SGCD: variants seen among roughly 807,000 people sequenced by gnomAD.
The protein encoded by SGCD is sarcoglycan delta, also known as delta-sarcoglycan.
Under a neutral mutation model 36.6 loss-of-function variants are expected in SGCD, and 18 were observed. The ratio of observed to expected loss-of-function variants is 0.49; its 90% confidence interval spans 0.34 to 0.73. The LOEUF (loss-of-function observed/expected upper bound fraction) is 0.73, where lower values mean the gene tolerates loss of function less well. Among genes scored for constraint, SGCD ranks in the 30% least tolerant of loss-of-function variants. The pLI is 0.01. For synonymous variants in SGCD, 133 were observed against 130.6 expected (o/e 1.02, Z -0.12); for missense variants, 387 against 346.7 (o/e 1.12, Z -0.92).
chr5:156,244,919 A>G (rs1355967738), intron 3 of SGCD, among the ~76,000 whole-genome samples: 1 of 152,194 alleles, frequency 6.6e-6, no homozygotes, highest in Non-Finnish European at 1.5e-5. Context: ...CTACTAACAG[A>G]TTACTTAGAA....
intron 1 of SGCD, among the ~76,000 whole-genome samples, chr5:155,985,289 T>C (rs1758308236): frequency 6.6e-6 from 1 of 152,142 alleles, no homozygotes; most frequent in Admixed American, 6.6e-5. Context: ...TTCAGGTTGT[T>C]GGTAGGCCTC....
At chr5:156,401,626 A>T (rs1430540493) in intron 3 of SGCD, among the ~76,000 whole-genome samples, 1 of 152,116 alleles carries the variant, frequency 6.6e-6, no homozygotes, top group African/African-American at 2.4e-5. Flanking sequence ...TTTATTGAGA[A>T]CTCACTATGT....
intron 1 of SGCD, among the ~76,000 whole-genome samples, chr5:156,078,663 TAC>T (rs910236883): frequency 1.3e-5 from 2 of 148,448 alleles, no homozygotes; most frequent in Non-Finnish European, 3.0e-5. Flanking sequence ...CACATATATA[TAC>T]ACACACATAT....
chr5:156,129,522 G>A (rs886421955), intron 3 of SGCD, among the ~76,000 whole-genome samples: 6 of 152,148 alleles, frequency 3.9e-5, no homozygotes, highest in African/African-American at 9.7e-5. Flanking sequence ...GGGTACATGC[G>A]AAGCTTTGTT....
intron 7 of SGCD, among the ~76,000 whole-genome samples, chr5:156,689,044 C>T (rs1179111629): frequency 6.6e-6 from 1 of 152,134 alleles, no homozygotes; most frequent in Non-Finnish European, 1.5e-5. Flanking sequence ...AGATTGGATC[C>T]TGCATTTTAA....
At chr5:156,515,587 G>T (rs1384533335) in intron 4 of SGCD, among the ~76,000 whole-genome samples, 1 of 152,288 alleles carries the variant, frequency 6.6e-6, no homozygotes, top group Non-Finnish European at 1.5e-5. Context: ...AAGGAGCAGA[G>T]AGCGATTGTG....
At chr5:156,246,644 T>C (rs1765447400) in intron 3 of SGCD, among the ~76,000 whole-genome samples, 1 of 152,230 alleles carries the variant, frequency 6.6e-6, no homozygotes. Flanking sequence ...TTTAAAACCA[T>C]GTGCAGAATA....
chr5:156,072,803 C>G (rs1007425900), intron 1 of SGCD, among the ~76,000 whole-genome samples: 1 of 152,130 alleles, frequency 6.6e-6, no homozygotes, highest in South Asian at 2.1e-4. Flanking sequence ...CACATAGTCC[C>G]ATATTTCTTG....
chr5:156,261,403 T>C (rs1000950965), intron 3 of SGCD, among the ~76,000 whole-genome samples: 3 of 152,202 alleles, frequency 2.0e-5, no homozygotes, highest in Non-Finnish European at 4.4e-5. Flanking sequence ...ATATACCACA[T>C]ATACTATGGT....
At chr5:156,175,253 A>G (rs73811529) in intron 3 of SGCD, among the ~76,000 whole-genome samples, 6,136 of 152,232 alleles carry the variant, frequency 0.04, 275 homozygotes, top group African/African-American at 0.11. Context: ...GAATTTTCCT[A>G]ATACATAAGT....
chr5:156,409,538 T>A (rs1772629124), intron 3 of SGCD, among the ~76,000 whole-genome samples: 1 of 152,208 alleles, frequency 6.6e-6, no homozygotes, highest in Admixed American at 6.5e-5. Context: ...ACCCCTTTCC[T>A]TTCCTTGTGT....
chr5:156,288,747 G>C (rs1405238663), intron 3 of SGCD, among the ~76,000 whole-genome samples: 1 of 151,984 alleles, frequency 6.6e-6, no homozygotes, highest in African/African-American at 2.4e-5. Context: ...CAGATATCCA[G>C]CATTTGTTCC....
intron 3 of SGCD, among the ~76,000 whole-genome samples, chr5:156,134,051 A>G (rs946859940): frequency 1.3e-5 from 2 of 152,182 alleles, no homozygotes; most frequent in African/African-American, 4.8e-5. Context: ...CTAAGCAAAT[A>G]TAACATAGGT....
At chr5:155,769,935 C>G in the SGCD span, among the ~76,000 whole-genome samples, 5 of 152,088 alleles carry the variant, frequency 3.3e-5, no homozygotes, top group Non-Finnish European at 7.4e-5. Context: ...ACTCCTTAGG[C>G]CATGCTTTGT....
At chr5:155,965,157 G>A (rs7735601) in intron 1 of SGCD, among the ~76,000 whole-genome samples, 6,558 of 152,228 alleles carry the variant, frequency 0.043, 491 homozygotes, top group African/African-American at 0.15. Context: ...GGTTGAAGGT[G>A]TGGTAGTCCT....
intron 3 of SGCD, among the ~76,000 whole-genome samples, chr5:156,257,034 G>A (rs982094145): frequency 1.3e-5 from 2 of 151,964 alleles, no homozygotes; most frequent in African/African-American, 4.8e-5. Context: ...TTAAAAATTA[G>A]CCAGGCATGG....
chr5:156,502,957 TAGGC>T (rs1756520058), intron 3 of SGCD, among the ~76,000 whole-genome samples: 1 of 152,148 alleles, frequency 6.6e-6, no homozygotes, highest in African/African-American at 2.4e-5. Context: ...CAAATACCAT[TAGGC>T]AGACCGAGAG....
At chr5:156,352,172 C>A (rs1328486335) in intron 3 of SGCD, among the ~76,000 whole-genome samples, 1 of 152,208 alleles carries the variant, frequency 6.6e-6, no homozygotes, top group East Asian at 1.9e-4. Context: ...TGTAGACAAT[C>A]ATTTAGCACA....
intron 3 of SGCD, among the ~76,000 whole-genome samples, chr5:156,377,961 T>C (rs1209613905): frequency 6.6e-6 from 1 of 152,170 alleles, no homozygotes; most frequent in South Asian, 2.1e-4. Flanking sequence ...ACACAAATAT[T>C]TTTATTTCTC....
Sources: allele counts gnomAD v4.1 joint callset (sites outside exome capture counted in the v4.1 genomes callset), GRCh38; gene constraint gnomAD v4.1.1; transcripts MANE v1.5; gene names NCBI Gene and HGNC (gene_info 2026-07-23, HGNC 2026-07-21).